The following SLC24A2 variants were observed in gnomAD, a reference collection of about 807,000 sequenced individuals.
SLC24A2 encodes the protein solute carrier family 24 member 2.
SLC24A2 carries 36 observed loss-of-function variants against 62.0 expected under a neutral mutation model. The ratio of observed to expected loss-of-function variants is 0.58; its 90% CI spans 0.44 to 0.77. The LOEUF is 0.77. SLC24A2 is among the 30% of genes least tolerant of loss of function. The pLI is 0.00. For missense variants in SLC24A2, 846 were observed against 817.9 expected, an observed-to-expected ratio of 1.03 and a Z score of -0.42; for synonymous variants, 358 against 294.0, an observed-to-expected ratio of 1.22 and a Z score of -2.23.
At chr9:20,276,596 C>G in the SLC24A2 span, among the ~76,000 whole-genome samples, 2 of 152,240 alleles carry the variant, frequency 1.3e-5, no homozygotes, top group African/African-American at 4.8e-5. Flanking sequence ...CACTGCTCCA[C>G]TGGGGAGTGC....
At chr9:19,675,293 T>C (rs1819530565) in intron 2 of SLC24A2, among the ~76,000 whole-genome samples, 3 of 152,026 alleles carry the variant, frequency 2.0e-5, no homozygotes, top group Admixed American at 1.3e-4. Flanking sequence ...GGGTCCTTAG[T>C]TGTAGTTTTG....
rs866065857 is a variant in SLC24A2, at chr9:19,636,289, C to G, written c.931-13990G>C. ...TCTTCTCTTCTTCTCTTCTTCTCTT[C>G]TTTTCTTTTCTTTTCTTTTCTTTTC... On this transcript the variant is annotated intron_variant, in intron 2 of 10. Coordinates refer to ENST00000341998, the MANE Select transcript of SLC24A2 (RefSeq NM_020344.4). Among the ~76,000 whole-genome samples the G allele has an allele frequency of 7.2e-4, 30 of 41,898 alleles. 2 individuals carry two copies. In the Middle Eastern group the frequency reaches 0.027, roughly 38 times the overall value. The allele number at this position is 41,898 out of a possible 152,430, so 27.5% of individuals were successfully genotyped here. A position where few individuals can be genotyped will look rare whatever the true frequency, so the allele number is the denominator to read the frequency against.
the SLC24A2 span, among the ~76,000 whole-genome samples, chr9:20,302,365 T>C: frequency 1.3e-5 from 2 of 152,238 alleles, no homozygotes; most frequent in Non-Finnish European, 2.9e-5. Flanking sequence ...CAATGAGAGC[T>C]CCTGTTGCTT....
chr9:20,240,746 T>C, the SLC24A2 span, among the ~76,000 whole-genome samples: 1 of 152,022 alleles, frequency 6.6e-6, no homozygotes, highest in Non-Finnish European at 1.5e-5. Flanking sequence ...GCATTTAGGG[T>C]GAGCAAAGGG....
At chr9:19,914,828 G>A in the SLC24A2 span, among the ~76,000 whole-genome samples, 1 of 152,046 alleles carries the variant, frequency 6.6e-6, no homozygotes, top group African/African-American at 2.4e-5. Flanking sequence ...TGGACAGGAT[G>A]GGATCCAGAT....
At chr9:19,814,297 A>G in the SLC24A2 span, among the ~76,000 whole-genome samples, 1 of 152,186 alleles carries the variant, frequency 6.6e-6, no homozygotes, top group African/African-American at 2.4e-5. Context: ...GGGGTAAGCA[A>G]CTAGCACTCT....
the SLC24A2 span, among the ~76,000 whole-genome samples, chr9:20,102,745 G>A: frequency 6.6e-6 from 1 of 152,054 alleles, no homozygotes; most frequent in Non-Finnish European, 1.5e-5. Flanking sequence ...AACAGCTCCG[G>A]TCTACAGCTC....
the SLC24A2 span, among the ~76,000 whole-genome samples, chr9:20,007,615 T>A: frequency 2.6e-5 from 4 of 152,140 alleles, no homozygotes; most frequent in Non-Finnish European, 5.9e-5. Context: ...CTGAATGCAA[T>A]GGGGATTTCA....
At chr9:20,149,831 AG>A in the SLC24A2 span, among the ~76,000 whole-genome samples, 2 of 152,164 alleles carry the variant, frequency 1.3e-5, no homozygotes, top group South Asian at 4.1e-4. Flanking sequence ...AAAATTGCCA[AG>A]GGACACTTTT....
At chr9:19,886,994 C>T in the SLC24A2 span, among the ~76,000 whole-genome samples, 1 of 152,208 alleles carries the variant, frequency 6.6e-6, no homozygotes. Context: ...TAAGTGGGAG[C>T]TGAACGACGA....
At chr9:20,002,634 C>G in the SLC24A2 span, among the ~76,000 whole-genome samples, 16 of 152,308 alleles carry the variant, frequency 1.1e-4, no homozygotes, top group Admixed American at 5.2e-4. Flanking sequence ...AGAGCTCACT[C>G]TCTTAACCAC....
chr9:20,241,643 C>T, the SLC24A2 span, among the ~76,000 whole-genome samples: 17 of 151,998 alleles, frequency 1.1e-4, no homozygotes, highest in South Asian at 2.3e-3. Flanking sequence ...AAGCTTACAG[C>T]CTTGAGAGAA....
intron 2 of SLC24A2, among the ~76,000 whole-genome samples, chr9:19,695,090 TC>T (rs901617877): frequency 2.0e-5 from 3 of 150,280 alleles, no homozygotes; most frequent in African/African-American, 7.3e-5. Context: ...GGGGTGGGCT[TC>T]CCCAGGGGTT....
In SLC24A2 at chr9:19,708,476, G is replaced by A. The variant is rs542316071; in HGVS notation, c.930+77461C>T. On this transcript the variant is annotated intron_variant, in intron 2 of 10. Coordinates refer to ENST00000341998, the MANE Select transcript of SLC24A2 (RefSeq NM_020344.4). ...AACCCCAAGTCAAAAGAACAAAGCT[G>A]GAGCCATCACGCTACCTGACTTCAA... Among the ~76,000 whole-genome samples, 11 of 152,274 alleles carry A rather than the reference G, an allele frequency of 7.2e-5. 1 individual carries two copies. The highest frequency in any genetic ancestry group is 2.4e-4 in the African/African-American group (10 of 41,542).
the SLC24A2 span, among the ~76,000 whole-genome samples, chr9:20,258,764 T>C: frequency 6.4e-5 from 9 of 139,706 alleles, no homozygotes; most frequent in African/African-American, 8.2e-5. Context: ...CTCCTCTCAT[T>C]TATCTATCTA....
At chr9:19,668,403 A>G (rs184254091) in intron 2 of SLC24A2, among the ~76,000 whole-genome samples, 164 of 152,318 alleles carry the variant, frequency 1.1e-3, no homozygotes, top group Non-Finnish European at 1.0e-4. Flanking sequence ...CTGCCTTCAC[A>G]GAATATAAGC....
intron 4 of SLC24A2, among the ~76,000 whole-genome samples, chr9:19,617,221 G>A (rs529163437): frequency 1.3e-5 from 2 of 152,282 alleles, no homozygotes; most frequent in South Asian, 4.1e-4. Flanking sequence ...GTTCGCAATA[G>A]GGTTCGGCCC....
intron 7 of SLC24A2, among the ~76,000 whole-genome samples, chr9:19,572,917 C>G (rs1399358646): frequency 1.3e-5 from 2 of 152,128 alleles, no homozygotes; most frequent in Non-Finnish European, 2.9e-5. Context: ...TTAACACAGA[C>G]CTTAAAGACA....
intron 6 of SLC24A2, among the ~76,000 whole-genome samples, chr9:19,575,429 A>G (rs1358534152): frequency 6.6e-6 from 1 of 152,244 alleles, no homozygotes; most frequent in Non-Finnish European, 1.5e-5. Context: ...CCAAGAACAG[A>G]GATGAACAGA....
Sources: allele counts gnomAD v4.1 joint callset (sites outside exome capture counted in the v4.1 genomes callset), GRCh38; gene constraint gnomAD v4.1.1; transcripts MANE v1.5; gene names NCBI Gene and HGNC (gene_info 2026-07-23, HGNC 2026-07-21).